The following RERE variants were observed in gnomAD, a reference collection of about 807,000 sequenced individuals.
RERE encodes the protein arginine-glutamic acid dipeptide repeats, also known as arginine-glutamic acid dipeptide repeats protein.
In RERE, 40 loss-of-function variants were observed where a neutral mutation model predicts 146.1. The ratio of observed to expected loss-of-function variants is 0.27; its 90% CI spans 0.21 to 0.36. The LOEUF is 0.36. RERE is among the 10% of genes least tolerant of loss of function. The pLI is 1.00. For synonymous variants in RERE, 1,003 were observed against 866.0 expected (o/e 1.16, Z -2.78); for missense variants, 1,933 against 2,138.7 (o/e 0.90, Z 1.90).
rs770346891 is a variant in RERE, at chr1:8,380,787, T to C, written c.1285-14813A>G. On this transcript the variant is annotated intron_variant, in intron 12 of 22. Coordinates refer to ENST00000400908, the MANE Select transcript of RERE (RefSeq NM_001042681.2). Reference sequence around the variant, plus strand: ...TAAGGTGACTTCAGACTTGAGCCCATAGCCCAGGAGCCCCTCTGCTGATGA... The same window carrying C: ...TAAGGTGACTTCAGACTTGAGCCCACAGCCCAGGAGCCCCTCTGCTGATGA... 1.6e-4 allele frequency: 73 copies of C among 456,238 alleles called. 2 individuals are homozygous for C. The highest frequency in any genetic ancestry group is 6.0e-4 in the South Asian group (39 of 64,540). 28.3% of individuals were successfully genotyped at this position (456,238 alleles called of 1,614,324 possible).
chr1:8,805,008 G>GTTTTTTTTTTTTTTT (rs1186832596), intron 1 of RERE, among the ~76,000 whole-genome samples: 4 of 77,836 alleles, frequency 5.1e-5, no homozygotes, highest in East Asian at 6.7e-4. Context: ...TTTGTTTTTG[G>GTTTTTTTTTTTTTTT]TTTTTTTTTT....
intron 2 of RERE, among the ~76,000 whole-genome samples, chr1:8,647,988 T>C (rs570221647): frequency 1.3e-5 from 2 of 152,286 alleles, no homozygotes; most frequent in East Asian, 1.9e-4. Flanking sequence ...GTGTAATACA[T>C]ATACAGAGAA....
intron 11 of RERE, among the ~76,000 whole-genome samples, chr1:8,450,626 C>T (rs914146905): frequency 1.3e-5 from 2 of 151,656 alleles, no homozygotes; most frequent in African/African-American, 4.9e-5. Flanking sequence ...CCTGCTGCAG[C>T]TTTCTCACTT....
At chr1:8,359,021 A>T in intron 19 of RERE, 105 bp from the exon 20 acceptor site, 3 of 1,374,818 alleles carry the variant, frequency 2.2e-6, no homozygotes, top group Admixed American at 2.9e-5. Flanking sequence ...CTGCTCTGAC[A>T]GGCCAACCTG....
intron 1 of RERE, among the ~76,000 whole-genome samples, chr1:8,767,596 C>T (rs1478283072): frequency 4.9e-5 from 7 of 141,712 alleles, no homozygotes; most frequent in African/African-American, 1.9e-4. Flanking sequence ...CAGAGTGAGG[C>T]CTTGTCTCAA....
chr1:8,560,041 G>T (rs781372254), intron 4 of RERE, among the ~76,000 whole-genome samples: 1 of 152,042 alleles, frequency 6.6e-6, no homozygotes, highest in Non-Finnish European at 1.5e-5. Flanking sequence ...TTCTTCCCTC[G>T]GCAGGATAAT....
chr1:8,650,904 AT>A (rs1349812643), intron 2 of RERE, among the ~76,000 whole-genome samples: 1 of 150,868 alleles, frequency 6.6e-6, no homozygotes, highest in Non-Finnish European at 1.5e-5. Context: ...TCAAAAAAAA[AT>A]AAAAATTAAA....
At chr1:8,773,176 T>C (rs1045511621) in intron 1 of RERE, among the ~76,000 whole-genome samples, 3 of 152,214 alleles carry the variant, frequency 2.0e-5, no homozygotes, top group African/African-American at 7.2e-5. Flanking sequence ...ATTTTGTTGA[T>C]TGAATTACCA....
rs982583881 is a variant in RERE, at chr1:8,364,648, C to A, written c.1540+98G>T. 3.6e-5 allele frequency: 30 copies of A among 834,306 alleles called. No homozygotes were observed. The highest frequency in any genetic ancestry group is 2.8e-4 in the Admixed American group (15 of 52,954). 51.7% of individuals were successfully genotyped at this position (834,306 alleles called of 1,614,324 possible). ...CACAATGCAAATGTCAAATCAAGTA[C>A]TGTCCCTGGCAGGTTTCCAGCTGGA... On this transcript the variant is annotated intron_variant, in intron 14 of 22. Coordinates refer to ENST00000400908, the MANE Select transcript of RERE (RefSeq NM_001042681.2). This position sits in a 1 kb window ranked among gnomAD's most constrained non-coding sequence, Gnocchi z 5.1.
chr1:8,629,668 G>C (rs989998969), intron 2 of RERE, among the ~76,000 whole-genome samples: 2 of 152,164 alleles, frequency 1.3e-5, no homozygotes, highest in Non-Finnish European at 2.9e-5. Flanking sequence ...ACAGAGCAGA[G>C]TGGACACTTA....
intron 4 of RERE, among the ~76,000 whole-genome samples, chr1:8,610,394 G>A (rs963472707): frequency 2.0e-5 from 3 of 151,644 alleles, no homozygotes; most frequent in African/African-American, 7.3e-5. Flanking sequence ...TTCGAGACCA[G>A]CCTGGCCAAC....
chr1:8,470,195 T>A (rs566874124), intron 10 of RERE, among the ~76,000 whole-genome samples: 1 of 152,254 alleles, frequency 6.6e-6, no homozygotes, highest in African/African-American at 2.4e-5. Context: ...TCCCTACCCG[T>A]CCTCACCCCT....
intron 4 of RERE, among the ~76,000 whole-genome samples, chr1:8,568,974 T>C (rs1646185596): frequency 6.6e-6 from 1 of 152,144 alleles, no homozygotes; most frequent in Non-Finnish European, 1.5e-5. Flanking sequence ...GAAGGGTCAA[T>C]TTGGCAAGAC....
intron 1 of RERE, among the ~76,000 whole-genome samples, chr1:8,662,775 C>T (rs183545023): frequency 6.6e-6 from 1 of 152,296 alleles, no homozygotes; most frequent in East Asian, 1.9e-4. Flanking sequence ...ACTGGGGATA[C>T]TGGACTGAGA....
chr1:8,680,801 T>C (rs1405700681), intron 1 of RERE, among the ~76,000 whole-genome samples: 2 of 152,144 alleles, frequency 1.3e-5, no homozygotes, highest in Non-Finnish European at 1.5e-5. Context: ...ACACACCCTT[T>C]CACAGTTCAC....
At position 8,497,502 on chromosome 1, in the gene RERE, G is replaced by A. The variant is rs776496149; in HGVS notation, c.907C>T (p.Pro303Ser). 4 of 1,614,016 alleles carry A rather than the reference G, an allele frequency of 2.5e-6. No individual in the cohort carries two copies. The Admixed American group carries it at 6.7e-5, about 27-fold the overall frequency. Residue 303 changes from proline to serine, a missense_variant, in exon 9 of 23, where the codon CCT becomes TCT. By Grantham distance (74) the Pro-to-Ser change is moderately conservative. Around this residue, in one of 11 missense-constraint regions of RERE, gnomAD observed 260 missense variants for 378.4 expected, o/e 0.69. Coordinates refer to ENST00000400908, the MANE Select transcript of RERE (RefSeq NM_001042681.2). ...QAKLPDLQPF[P>S]SPDGDTVTQH... ...GTCACTGTATCACCATCTGGAGAAG[G>A]AAATGGTTGCAGATCTGGAAGTTTG... is the stretch of plus-strand genomic sequence containing the variant.
intron 1 of RERE, among the ~76,000 whole-genome samples, chr1:8,731,796 GTTTGTTTGT>G (rs1640091462): frequency 3.3e-5 from 5 of 151,384 alleles, no homozygotes; most frequent in African/African-American, 1.2e-4. Flanking sequence ...TTGTTTGTTT[GTTTGTTTGT>G]TTTGTTTTGT....
chr1:8,589,941 C>G (rs1009660741), intron 4 of RERE, among the ~76,000 whole-genome samples: 3 of 152,214 alleles, frequency 2.0e-5, no homozygotes, highest in Admixed American at 6.5e-5. Flanking sequence ...CATCTCTTGT[C>G]TCAATGTCTA....
At chr1:8,677,374 C>T (rs1361250030) in intron 1 of RERE, among the ~76,000 whole-genome samples, 1 of 146,484 alleles carries the variant, frequency 6.8e-6, no homozygotes, top group African/African-American at 2.6e-5. Context: ...TGCAGTGAGC[C>T]GAGATCACGC....
Sources: allele counts gnomAD v4.1 joint callset (sites outside exome capture counted in the v4.1 genomes callset), GRCh38; gene constraint gnomAD v4.1.1; regional missense constraint gnomAD v4.1.1; non-coding constraint Gnocchi (gnomAD v3.1); transcripts MANE v1.5; gene names NCBI Gene and HGNC (gene_info 2026-07-23, HGNC 2026-07-21).